WDR33: variants seen among roughly 807,000 people sequenced by gnomAD.
WDR33 encodes the protein WD repeat domain 33, also known as pre-mRNA 3' end processing protein WDR33.
A neutral mutation model predicts 164.9 loss-of-function variants in WDR33; 47 were observed. That is an observed-to-expected ratio of 0.29 (90% CI 0.23 to 0.36). The LOEUF is 0.36. WDR33 is among the 10% of genes least tolerant of loss of function. WDR33 has a pLI of 1.00. For synonymous variants in WDR33, 505 were observed against 589.0 expected (o/e 0.86, Z 2.06); for missense variants, 1,137 against 1,754.1 (o/e 0.65, Z 6.28).
In WDR33 at chr2:127,716,983, A is replaced by G. The variant is rs527404233; in HGVS notation, c.2869+172T>C. 1.4e-4 allele frequency among the ~76,000 whole-genome samples: 22 copies of G among 152,350 alleles called. No homozygotes were observed. Among genetic ancestry groups the G allele is most frequent in the African/African-American group, 4.8e-4 (20 of 41,582 alleles). On this transcript the variant is annotated intron_variant, in intron 17 of 21. Transcript: ENST00000322313. This position sits in a 1 kb window ranked among gnomAD's most constrained non-coding sequence, Gnocchi z 4.5. ...CTCTGGGGTGAGGGGCTTACTAAAC[A>G]GATCCAAGAACACAACCAAAGACAA...
chr2:127,767,937 T>C (rs1687873003), intron 4 of WDR33, among the ~76,000 whole-genome samples: 1 of 152,158 alleles, frequency 6.6e-6, no homozygotes, highest in Non-Finnish European at 1.5e-5. Flanking sequence ...TGCTACAACA[T>C]GTATCCATCT....
At chr2:127,787,361 T>C (rs1333734928) in intron 1 of WDR33, among the ~76,000 whole-genome samples, 1 of 118,936 alleles carries the variant, frequency 8.4e-6, no homozygotes, top group African/African-American at 4.0e-5. Flanking sequence ...CCGTTCTCAA[T>C]GAGCTGTTGG....
At chr2:127,739,913 T>A (rs1432966716) in intron 7 of WDR33, among the ~76,000 whole-genome samples, 1 of 152,118 alleles carries the variant, frequency 6.6e-6, no homozygotes, top group African/African-American at 2.4e-5. Context: ...CCAGAAAAAA[T>A]AACACTGAAT....
chr2:127,724,391 T>C lies in WDR33; in HGVS notation c.1138A>G (p.Ser380Gly). ...TGCCCAAGAGGATGCCAAGCCAGAC[T>C]CCAGATCATCCCTTCGTGAGCCATC... ...MEMAHEGMIW[S>G]LAWHPLGHIL... The change falls in exon 11 of 22, where the codon AGT becomes GGT. Residue 380 changes from serine (S) to glycine (G), a missense_variant. Ser to Gly is a moderately conservative substitution (Grantham distance 56). Transcript: ENST00000322313. This position sits in a 1 kb window ranked among gnomAD's most constrained non-coding sequence, Gnocchi z 4.8. 1 of 1,614,166 alleles carries C rather than the reference T, an allele frequency of 6.2e-7. No homozygotes were observed. The highest frequency in any genetic ancestry group is 8.5e-7 in the Non-Finnish European group (1 of 1,180,018).
At chr2:127,759,860 G>A (rs1687625842) in intron 7 of WDR33, among the ~76,000 whole-genome samples, 1 of 152,122 alleles carries the variant, frequency 6.6e-6, no homozygotes, top group African/African-American at 2.4e-5. Context: ...GGGCAACACA[G>A]GGAGAGCCTG....
At position 127,735,391 on chromosome 2, in the gene WDR33, C is replaced by T. The variant is rs10172864; in HGVS notation, c.725-8614G>A. ...TCGGTGAACAGTCTGAAAACCAATA[C>T]ATAATAAGTTTTATTTGAAGGTCAG... On this transcript the variant is annotated intron_variant, in intron 7 of 21. Transcript: ENST00000322313. This position sits in a 1 kb window ranked among gnomAD's most constrained non-coding sequence, Gnocchi z 4.3. 1,560 of 985,788 alleles carry T rather than the reference C, an allele frequency of 1.6e-3. 17 individuals carry two copies. In the African/African-American group the frequency reaches 0.025, roughly 16 times the overall value. The allele number at this position is 985,788 out of a possible 1,614,324, so 61.1% of individuals were successfully genotyped here.
Position 127,719,568 on chromosome 2 carries a change from T to C in WDR33, c.2457A>G (p.Leu819=), listed in dbSNP as rs754535142. ...EMRGPHPPGG[L]LGHGPQEMRG... is the part of the protein sequence containing the mutation. Reference sequence around the variant, plus strand: ...TCATTTCCTGAGGGCCGTGTCCCAGTAGTCCACCTGGAGGGTGAGGTCCTC... The same window carrying C: ...TCATTTCCTGAGGGCCGTGTCCCAGCAGTCCACCTGGAGGGTGAGGTCCTC... Residue 819 remains leucine (L), a synonymous_variant, in exon 16 of 22, where the codon CTA becomes CTG. Transcript: ENST00000322313. This position sits in a 1 kb window ranked among gnomAD's most constrained non-coding sequence, Gnocchi z 6.5. 3 of 1,613,772 alleles carry C rather than the reference T, an allele frequency of 1.9e-6. No homozygotes were observed. The highest frequency in any genetic ancestry group is 2.2e-5 in the South Asian group (2 of 91,052).
intron 1 of WDR33, among the ~76,000 whole-genome samples, chr2:127,808,413 G>A (rs953932183): frequency 1.3e-5 from 2 of 152,142 alleles, no homozygotes; most frequent in African/African-American, 2.4e-5. Flanking sequence ...GAATTTATAA[G>A]CACACAAATC....
chr2:127,805,616 G>A (rs564171765), intron 1 of WDR33, among the ~76,000 whole-genome samples: 4 of 152,132 alleles, frequency 2.6e-5, no homozygotes, highest in Admixed American at 6.6e-5. Context: ...TGCCAGGTCC[G>A]GCCTCAAAGG....
intron 7 of WDR33, among the ~76,000 whole-genome samples, chr2:127,746,364 CCT>C (rs1478181636): frequency 3.9e-5 from 6 of 152,150 alleles, no homozygotes; most frequent in South Asian, 4.1e-4. Context: ...ACCTTTAATA[CCT>C]CTCTTTTAAT....
chr2:127,710,757 C>A lies in WDR33; in HGVS notation c.3309-901G>T, dbSNP rs914531630. Among the ~76,000 whole-genome samples, 1 of 152,192 alleles carries A rather than the reference C, an allele frequency of 6.6e-6. No homozygotes were observed. The highest frequency in any genetic ancestry group is 1.5e-5 in the Non-Finnish European group (1 of 68,042). On this transcript the variant is annotated intron_variant, in intron 18 of 21. Transcript: ENST00000322313. This position sits in a 1 kb window ranked among gnomAD's most constrained non-coding sequence, Gnocchi z 4.4. ...GGGCCCCTCTGCATGAGCTGCATGG[C>A]CTCCTCCCAGGCCAGGCCTCTGCTC... is the stretch of plus-strand genomic sequence containing the variant.
intron 1 of WDR33, among the ~76,000 whole-genome samples, chr2:127,797,289 C>T (rs1055777072): frequency 2.0e-5 from 3 of 151,972 alleles, no homozygotes; most frequent in African/African-American, 7.2e-5. Flanking sequence ...GTCAGAAGTT[C>T]GATACCAGCC....
chr2:127,771,139 C>G (rs1687989406), intron 1 of WDR33, 135 bp from the exon 2 acceptor site: 1 of 701,220 alleles, frequency 1.4e-6, no homozygotes, highest in Admixed American at 2.9e-5. Flanking sequence ...CAATGAACTA[C>G]AGTCATGAGT....
chr2:127,701,562 C>CA lies in WDR33; in HGVS notation c.*4760_*4761insT, dbSNP rs1245663423. The CA allele has an allele frequency of 6.1e-5, 83 of 1,368,868 alleles. No individual in the cohort carries two copies. Among genetic ancestry groups the CA allele is most frequent in the Non-Finnish European group, 7.7e-5 (82 of 1,059,714 alleles). 84.8% of individuals were successfully genotyped at this position (1,368,868 alleles called of 1,614,324 possible). A position where few individuals can be genotyped will look rare whatever the true frequency, so the allele number is the denominator to read the frequency against. On this transcript the variant is annotated 3_prime_UTR_variant, in exon 22 of 22. Coordinates refer to ENST00000322313, the MANE Select transcript of WDR33 (RefSeq NM_018383.5). ...CCTCCACCGCCAGCTGCAGGAGTAC[C>CA]TGGCGCAGGGGAAAGCTGGCGGCCC...
intron 1 of WDR33, among the ~76,000 whole-genome samples, chr2:127,805,477 A>C (rs1186370094): frequency 6.6e-6 from 1 of 152,152 alleles, no homozygotes; most frequent in Non-Finnish European, 1.5e-5. Flanking sequence ...GGAATAGAGA[A>C]ACAACAGGAA....
At position 127,723,389 on chromosome 2, in the gene WDR33, A is replaced by G. The variant is rs1429467090; in HGVS notation, c.1197-42T>C. ...AGGAGAAAAGAAGCATGGCTTCACTATTTTTTTGGGCACTAAACAGTACTA... is the reference window on the plus strand; with the variant it reads ...AGGAGAAAAGAAGCATGGCTTCACTGTTTTTTTGGGCACTAAACAGTACTA... On this transcript the variant is annotated intron_variant, in intron 11 of 21. Transcript: ENST00000322313. This position sits in a 1 kb window ranked among gnomAD's most constrained non-coding sequence, Gnocchi z 5.9. The G allele has an allele frequency of 6.4e-7, 1 of 1,568,644 alleles. No individual in the cohort carries two copies. Among genetic ancestry groups the G allele is most frequent in the Non-Finnish European group, 8.8e-7 (1 of 1,142,182 alleles).
At chr2:127,761,628 A>C (rs116987015) in intron 7 of WDR33, among the ~76,000 whole-genome samples, 1 of 152,240 alleles carries the variant, frequency 6.6e-6, no homozygotes, top group Non-Finnish European at 1.5e-5. Context: ...AAGATTCAAC[A>C]TAAGTGTGGC....
rs562956341 is a variant in WDR33, at chr2:127,802,290, A to G, written c.-24+8722T>C. Reference sequence around the variant, plus strand: ...TTCTTCTAAGAATGTGAAAATAAGAATATACACAGTAAAAACTGGAATGAA... The same window carrying G: ...TTCTTCTAAGAATGTGAAAATAAGAGTATACACAGTAAAAACTGGAATGAA... On this transcript the variant is annotated intron_variant, in intron 1 of 21. Coordinates refer to ENST00000322313, the MANE Select transcript of WDR33 (RefSeq NM_018383.5). Among the ~76,000 whole-genome samples, 33 of 152,346 alleles carry G rather than the reference A, an allele frequency of 2.2e-4. No homozygotes were observed. In the South Asian group the frequency reaches 2.9e-3, roughly 13 times the overall value.
At chr2:127,758,814 C>T (rs574656742) in intron 7 of WDR33, among the ~76,000 whole-genome samples, 1 of 152,276 alleles carries the variant, frequency 6.6e-6, no homozygotes, top group South Asian at 2.1e-4. Flanking sequence ...TATTATCAAA[C>T]GTCTTTAACG....
Sources: gnomAD v4.1 joint callset for allele counts (sites outside exome capture counted in the v4.1 genomes callset) on GRCh38, gnomAD v4.1.1 for gene constraint, Gnocchi (gnomAD v3.1) non-coding constraint, MANE v1.5 for transcripts, NCBI Gene and HGNC (gene_info 2026-07-23, HGNC 2026-07-21) for gene names.